The following ADAMTS6 variants were observed in gnomAD, a reference collection of about 807,000 sequenced individuals.
The protein encoded by ADAMTS6 is ADAM metallopeptidase with thrombospondin type 1 motif 6, also known as A disintegrin and metalloproteinase with thrombospondin motifs 6.
ADAMTS6 carries 23 observed loss-of-function variants against 144.3 expected under a neutral mutation model. The observed-to-expected ratio is 0.16, with a 90% confidence interval of 0.11 to 0.23. ADAMTS6 has a LOEUF of 0.23. Ranked by LOEUF, ADAMTS6 falls within the 10% of genes least tolerant of loss-of-function variation. The pLI, the probability that ADAMTS6 is intolerant of heterozygous loss-of-function variation, is 1.00. For missense variants in ADAMTS6, 999 were observed against 1,379.6 expected, an observed-to-expected ratio of 0.72 and a Z score of 4.37; for synonymous variants, 444 against 457.5, an observed-to-expected ratio of 0.97 and a Z score of 0.38.
At chr5:65,447,126 T>C (rs1458082947) in intron 7 of ADAMTS6, among the ~76,000 whole-genome samples, 1 of 152,176 alleles carries the variant, frequency 6.6e-6, no homozygotes, top group Non-Finnish European at 1.5e-5. Flanking sequence ...TTCGTGCTAA[T>C]TGCTAAACAT....
intron 24 of ADAMTS6, 23 bp from the exon 25 acceptor site, chr5:65,151,968 G>A: frequency 6.3e-7 from 1 of 1,590,282 alleles, no homozygotes; most frequent in Non-Finnish European, 8.6e-7. Context: ...GGCAGAAAAT[G>A]GAAAACAATT....
chr5:65,237,536 A>G (rs1165906409), intron 15 of ADAMTS6, among the ~76,000 whole-genome samples: 1 of 152,122 alleles, frequency 6.6e-6, no homozygotes, highest in African/African-American at 2.4e-5. Flanking sequence ...AGTGAAATCT[A>G]TTCTAAGGAA....
chr5:65,273,488 C>A lies in ADAMTS6; in HGVS notation c.1513-41G>T, dbSNP rs759837028. The A allele has an allele frequency of 2.0e-6, 3 of 1,489,798 alleles. No homozygotes were observed. The South Asian group carries it at 3.4e-5, about 17-fold the overall frequency. 92.3% of individuals were successfully genotyped at this position (1,489,798 alleles called of 1,614,324 possible). A position where few individuals can be genotyped will look rare whatever the true frequency, so the allele number is the denominator to read the frequency against. ...AAAGCAAGTTGATCAGAAATAGAGT[C>A]ATGTCCAATTCTTCCATAAAATACA... On this transcript the variant is annotated intron_variant, in intron 11 of 24. Transcript: ENST00000381055.
At chr5:65,325,011 C>G (rs1746026420) in intron 9 of ADAMTS6, among the ~76,000 whole-genome samples, 1 of 152,154 alleles carries the variant, frequency 6.6e-6, no homozygotes, top group Non-Finnish European at 1.5e-5. Context: ...CTCCAAAAAC[C>G]TTATGCTCAG....
chr5:65,412,319 A>G (rs11740715), intron 7 of ADAMTS6, among the ~76,000 whole-genome samples: 12,880 of 152,252 alleles, frequency 0.085, 647 homozygotes, highest in Non-Finnish European at 0.11. Flanking sequence ...ACCTGTTCAT[A>G]GTTAGTCCTC....
intron 7 of ADAMTS6, among the ~76,000 whole-genome samples, chr5:65,426,187 C>A (rs1292906230): frequency 6.6e-6 from 1 of 151,612 alleles, no homozygotes; most frequent in Non-Finnish European, 1.5e-5. Flanking sequence ...GCTGGGATTA[C>A]AGGCACCTGC....
intron 24 of ADAMTS6, among the ~76,000 whole-genome samples, chr5:65,159,196 C>T (rs991411010): frequency 6.6e-6 from 1 of 152,124 alleles, no homozygotes; most frequent in African/African-American, 2.4e-5. Context: ...CAATATCTGC[C>T]TTAGTTCACG....
At chr5:65,260,570 T>C in intron 14 of ADAMTS6, 30 bp downstream of exon 14, 1 of 1,603,118 alleles carries the variant, frequency 6.2e-7, no homozygotes, top group Non-Finnish European at 8.5e-7. Flanking sequence ...AGTAAGCTAA[T>C]TTTTCATAAC....
chr5:65,354,235 G>A (rs1045131191), intron 7 of ADAMTS6, among the ~76,000 whole-genome samples: 14 of 151,682 alleles, frequency 9.2e-5, no homozygotes, highest in Non-Finnish European at 1.5e-5. Flanking sequence ...CACAATGAGA[G>A]CAGAGGCAAT....
chr5:65,162,318 A>G (rs946841418), intron 24 of ADAMTS6, among the ~76,000 whole-genome samples: 3 of 152,222 alleles, frequency 2.0e-5, no homozygotes, highest in African/African-American at 7.2e-5. Context: ...CAGTTCTTTC[A>G]GCAATGACTT....
chr5:65,250,128 T>G (rs1760024217), intron 14 of ADAMTS6, among the ~76,000 whole-genome samples: 1 of 152,228 alleles, frequency 6.6e-6, no homozygotes, highest in African/African-American at 2.4e-5. Flanking sequence ...TTCAGAAAAG[T>G]GATTTGAAGA....
intron 24 of ADAMTS6, among the ~76,000 whole-genome samples, chr5:65,168,377 A>G (rs1440105254): frequency 6.6e-6 from 1 of 151,502 alleles, no homozygotes; most frequent in Non-Finnish European, 1.5e-5. Flanking sequence ...GCTCAAGGAA[A>G]TAAAAGAGGA....
intron 9 of ADAMTS6, among the ~76,000 whole-genome samples, chr5:65,314,408 G>A (rs941444242): frequency 1.6e-4 from 25 of 151,972 alleles, no homozygotes; most frequent in African/African-American, 5.3e-4. Flanking sequence ...ATATCTGAAG[G>A]TGTGACTTCC....
chr5:65,269,440 T>C (rs998505766), intron 12 of ADAMTS6, among the ~76,000 whole-genome samples: 1 of 152,150 alleles, frequency 6.6e-6, no homozygotes, highest in African/African-American at 2.4e-5. Flanking sequence ...ATCTGTTTAG[T>C]ACTAAAGGGC....
rs1231161705 is a variant in ADAMTS6 at position 65,170,779 on chromosome 5, T to G, written c.3088-6A>C. 6.2e-7 allele frequency: 1 copy of G among 1,605,186 alleles called. No homozygotes were observed. The highest frequency in any genetic ancestry group is 1.7e-5 in the Admixed American group (1 of 58,668). ...AGGCCACACTGAGCAGAACACTAAA[T>G]CCAAAGACACAAAGAAACAAAATAT... On this transcript the variant is annotated splice_polypyrimidine_tract_variant and splice_region_variant and intron_variant, in intron 23 of 24. Coordinates refer to ENST00000381055, the MANE Select transcript of ADAMTS6 (RefSeq NM_197941.4).
chr5:65,428,785 C>T (rs1043469227), intron 7 of ADAMTS6, among the ~76,000 whole-genome samples: 1 of 152,082 alleles, frequency 6.6e-6, no homozygotes, highest in African/African-American at 2.4e-5. Flanking sequence ...TAAGTCAACC[C>T]TTGTATGGAA....
At chr5:65,422,790 C>G (rs1291402277) in intron 7 of ADAMTS6, among the ~76,000 whole-genome samples, 2 of 152,194 alleles carry the variant, frequency 1.3e-5, no homozygotes, top group Non-Finnish European at 2.9e-5. Context: ...AATCCCACTA[C>G]TGGGTATCTA....
chr5:65,162,846 C>T (rs1241545639), intron 24 of ADAMTS6, among the ~76,000 whole-genome samples: 3 of 152,156 alleles, frequency 2.0e-5, no homozygotes, highest in Non-Finnish European at 4.4e-5. Flanking sequence ...CTATTGCTAA[C>T]TTACAATGGA....
intron 7 of ADAMTS6, among the ~76,000 whole-genome samples, chr5:65,426,750 G>A (rs1561531887): frequency 6.6e-6 from 1 of 151,996 alleles, no homozygotes; most frequent in Non-Finnish European, 1.5e-5. Flanking sequence ...AAGAGAACTG[G>A]AGGATAAATG....
Sources: allele counts gnomAD v4.1 joint callset (sites outside exome capture counted in the v4.1 genomes callset), GRCh38; gene constraint gnomAD v4.1.1; transcripts MANE v1.5; gene names NCBI Gene and HGNC (gene_info 2026-07-23, HGNC 2026-07-21).